CD109: variants seen among roughly 807,000 people sequenced by gnomAD.
CD109 encodes CD109 antigen.
In CD109, 149 loss-of-function variants were observed where a neutral mutation model predicts 165.8. That is an observed-to-expected ratio of 0.90 (90% confidence interval 0.79 to 1.03). CD109 has a LOEUF of 1.03. Among genes scored for constraint, CD109 ranks in the 50% least tolerant of loss-of-function variants. The pLI is 0.00. For missense variants in CD109, 1,712 were observed against 1,677.8 expected (o/e 1.02, Z -0.36); for synonymous variants, 585 against 592.1 (o/e 0.99, Z 0.18).
chr6:73,789,554 C>T (rs1225273522), intron 22 of CD109, among the ~76,000 whole-genome samples: 2 of 149,738 alleles, frequency 1.3e-5, no homozygotes, highest in Admixed American at 6.7e-5. Flanking sequence ...CCCAGGTTCA[C>T]GCCATTCTCC....
intron 23 of CD109, among the ~76,000 whole-genome samples, chr6:73,802,441 C>T (rs1775402271): frequency 6.6e-6 from 1 of 150,410 alleles, no homozygotes; most frequent in Non-Finnish European, 1.5e-5. Context: ...TGCATTTCCT[C>T]CTCTGTATTG....
At chr6:73,802,289 G>GTGTATATATA (rs71542231) in intron 23 of CD109, among the ~76,000 whole-genome samples, 6 of 78,204 alleles carry the variant, frequency 7.7e-5, no homozygotes, top group East Asian at 3.8e-4. Context: ...GTGTGTGTGT[G>GTGTATATATA]TATATATATA....
Position 73,780,918 on chromosome 6 carries a change from GTGTGTAAGACTGATGTGTGTA to G in CD109, c.1903-335_1903-315del, listed in dbSNP as rs932369884. 2.5e-4 allele frequency among the ~76,000 whole-genome samples: 38 copies of G among 150,856 alleles called. 1 individual carries two copies. Among genetic ancestry groups the G allele is most frequent in the African/African-American group, 7.8e-4 (32 of 41,182 alleles). ...CATGAGTGTGTGTGTGTATGTGTGTGTGTGTAAGACTGATGTGTGTATGTGTGTTTGAGAAAGATCAATGTG... is the reference window on the plus strand; with the variant it reads ...CATGAGTGTGTGTGTGTATGTGTGTGTGTGTGTTTGAGAAAGATCAATGTG... On this transcript the variant is annotated intron_variant, in intron 16 of 32. Transcript: ENST00000287097.
intron 22 of CD109, among the ~76,000 whole-genome samples, chr6:73,791,192 C>A: frequency 1.4e-5 from 1 of 69,212 alleles, no homozygotes; most frequent in South Asian, 5.7e-4. Context: ...CACACACATA[C>A]ATATATATAT....
intron 15 of CD109, among the ~76,000 whole-genome samples, chr6:73,779,909 C>G (rs9442961): frequency 1.5e-4 from 22 of 151,568 alleles, no homozygotes; most frequent in African/African-American, 5.3e-4. Context: ...TTGAAAAAAC[C>G]GTATCTCATG....
At position 73,825,641 on chromosome 6, in the gene CD109, A is replaced by G. The variant is rs571499462; in HGVS notation, c.*2008A>G. ...CATATTTCCTTGTTTAAAAACTATC[A>G]TTTGAATACTTTTTTGGTGAAGAAC... On this transcript the variant is annotated 3_prime_UTR_variant, in exon 33 of 33. Transcript: ENST00000287097. The G allele has an allele frequency of 1.2e-4, 18 of 152,338 alleles. No individual in the cohort carries two copies. The highest frequency in any genetic ancestry group is 1.0e-3 in the Admixed American group (16 of 15,292). The allele number at this position is 152,338 out of a possible 1,614,324, so 9.4% of individuals were successfully genotyped here. A position where few individuals can be genotyped will look rare whatever the true frequency, so the allele number is the denominator to read the frequency against.
In CD109 at chr6:73,782,606, AT is replaced by A; in HGVS notation, c.1964-5del. On this transcript the variant is annotated splice_polypyrimidine_tract_variant and splice_region_variant and intron_variant, in intron 17 of 32. Transcript: ENST00000287097. ...GTTTTTCTAACTACTGTCAATGTTTATTTATAGATGACAATGCAGAATATGC... is the reference window on the plus strand; with the variant it reads ...GTTTTTCTAACTACTGTCAATGTTTATTATAGATGACAATGCAGAATATGC... 1.2e-6 allele frequency: 2 copies of A among 1,610,028 alleles called. No homozygotes were observed. Among genetic ancestry groups the A allele is most frequent in the Non-Finnish European group, 1.7e-6 (2 of 1,177,188 alleles).
intron 5 of CD109, among the ~76,000 whole-genome samples, chr6:73,741,727 A>G (rs1319127080): frequency 6.6e-6 from 1 of 152,122 alleles, no homozygotes; most frequent in Non-Finnish European, 1.5e-5. Context: ...TCTGGAGTGC[A>G]GTGTGCAATC....
At chr6:73,751,061 A>G (rs1425794483) in intron 5 of CD109, among the ~76,000 whole-genome samples, 1 of 152,148 alleles carries the variant, frequency 6.6e-6, no homozygotes, top group African/African-American at 2.4e-5. Context: ...CCAACTCACT[A>G]GGCTGCCTTT....
At chr6:73,708,981 C>T (rs994648388) in intron 2 of CD109, among the ~76,000 whole-genome samples, 3 of 152,142 alleles carry the variant, frequency 2.0e-5, no homozygotes, top group African/African-American at 7.2e-5. Context: ...GTTTCTTTTG[C>T]TGTGCAGAAG....
intron 14 of CD109, among the ~76,000 whole-genome samples, chr6:73,768,632 G>C (rs1232399392): frequency 6.6e-6 from 1 of 152,196 alleles, no homozygotes; most frequent in Non-Finnish European, 1.5e-5. Flanking sequence ...TAGAAGCAGA[G>C]CTGGGCTTTC....
At chr6:73,733,797 C>G (rs1374795668) in intron 4 of CD109, among the ~76,000 whole-genome samples, 1 of 152,218 alleles carries the variant, frequency 6.6e-6, no homozygotes, top group South Asian at 2.1e-4. Flanking sequence ...GATTTGAATT[C>G]TCTAATTCTA....
At chr6:73,704,386 A>G (rs963106756) in intron 2 of CD109, among the ~76,000 whole-genome samples, 6 of 152,258 alleles carry the variant, frequency 3.9e-5, no homozygotes, top group Admixed American at 3.3e-4. Flanking sequence ...GTGGACTTTC[A>G]TGTTTGCTTT....
chr6:73,703,701 T>C (rs1415815611), intron 2 of CD109, among the ~76,000 whole-genome samples: 1 of 151,996 alleles, frequency 6.6e-6, no homozygotes. Context: ...TTGCATACTG[T>C]GAAAGTTTCT....
chr6:73,749,488 A>G (rs758708937), intron 5 of CD109, among the ~76,000 whole-genome samples: 3 of 152,146 alleles, frequency 2.0e-5, no homozygotes, highest in Non-Finnish European at 4.4e-5. Flanking sequence ...GTTGAAGAGA[A>G]AGGTGGGGAA....
chr6:73,753,546 T>C (rs1773274328), intron 5 of CD109, among the ~76,000 whole-genome samples: 1 of 152,220 alleles, frequency 6.6e-6, no homozygotes, highest in Non-Finnish European at 1.5e-5. Context: ...TTACCACATA[T>C]GAGCACCTTG....
chr6:73,721,371 T>C (rs1771941175), intron 2 of CD109, among the ~76,000 whole-genome samples: 1 of 151,664 alleles, frequency 6.6e-6, no homozygotes, highest in African/African-American at 2.4e-5. Context: ...TATTTCTTTT[T>C]TTTTTTTTTT....
intron 23 of CD109, among the ~76,000 whole-genome samples, chr6:73,802,202 C>T (rs191528373): frequency 1.3e-5 from 2 of 150,140 alleles, no homozygotes; most frequent in Non-Finnish European, 3.0e-5. Flanking sequence ...GCCTTAACCC[C>T]CTACCTAATT....
intron 15 of CD109, 72 bp downstream of exon 15, chr6:73,771,653 T>A (rs145643478): frequency 2.9e-6 from 3 of 1,045,498 alleles, no homozygotes; most frequent in Non-Finnish European, 4.0e-6. Flanking sequence ...TGTACTACTT[T>A]AAATATTTAA....
Sources: gnomAD v4.1 joint callset for allele counts (sites outside exome capture counted in the v4.1 genomes callset) on GRCh38, gnomAD v4.1.1 for gene constraint, MANE v1.5 for transcripts, NCBI Gene and HGNC (gene_info 2026-07-23, HGNC 2026-07-21) for gene names.